The following DNASE1L3 variants were observed in gnomAD, a reference collection of about 807,000 sequenced individuals.
The protein encoded by DNASE1L3 is deoxyribonuclease gamma.
In DNASE1L3, 27 loss-of-function variants were observed where a neutral mutation model predicts 30.9. The observed-to-expected ratio is 0.87, with a 90% CI of 0.64 to 1.20. The LOEUF is 1.20. DNASE1L3 is among the 50% of genes most tolerant of loss of function. DNASE1L3 has a pLI of 0.00. For missense variants in DNASE1L3, 364 were observed against 378.2 expected (o/e 0.96, Z 0.31); for synonymous variants, 135 against 138.0 (o/e 0.98, Z 0.15).
chr3:58,196,877 G>A (rs2097397765), intron 6 of DNASE1L3, among the ~76,000 whole-genome samples: 1 of 152,248 alleles, frequency 6.6e-6, no homozygotes, highest in Non-Finnish European at 1.5e-5. Flanking sequence ...TTAGGAATAT[G>A]TAGCTAAAGC....
At chr3:58,204,939 A>T (rs2097403007) in intron 3 of DNASE1L3, 58 bp from the exon 4 acceptor site, 1 of 1,522,148 alleles carries the variant, frequency 6.6e-7, no homozygotes, top group Non-Finnish European at 9.1e-7. Flanking sequence ...TACTACTTTC[A>T]TGAAGCAGAG....
At chr3:58,202,595 T>C (rs2097401515) in intron 4 of DNASE1L3, among the ~76,000 whole-genome samples, 1 of 152,044 alleles carries the variant, frequency 6.6e-6, no homozygotes, top group Admixed American at 6.6e-5. Context: ...GGCTTACTTC[T>C]GTAATCCCAC....
rs1409244586 is a variant in DNASE1L3, at chr3:58,193,530, C to T, written c.705-91G>A. The T allele has an allele frequency of 1.7e-5, 20 of 1,167,358 alleles. 1 individual carries two copies. Among genetic ancestry groups the T allele is most frequent in the South Asian group, 1.1e-4 (8 of 71,906 alleles). The allele number at this position is 1,167,358 out of a possible 1,614,324, so 72.3% of individuals were successfully genotyped here. ...TCTGTGTTTGCTGTCTGGAATTAAC[C>T]GAGCAGTCTGGCCCTTTCATGTGGC... On this transcript the variant is annotated intron_variant, in intron 6 of 7. Transcript: ENST00000394549.
In DNASE1L3 at chr3:58,198,776, G is replaced by C. The variant is rs113000669; in HGVS notation, c.547-798C>G. 2.3e-3 allele frequency among the ~76,000 whole-genome samples: 351 copies of C among 152,276 alleles called. 1 individual carries two copies. Among genetic ancestry groups the C allele is most frequent in the African/African-American group, 8.3e-3 (346 of 41,556 alleles). ...CCTTTTGCTTTCAAGCAGGAAAAGTGAATTTGGGTGGTGTATTGACAACCC... is the reference window on the plus strand; with the variant it reads ...CCTTTTGCTTTCAAGCAGGAAAAGTCAATTTGGGTGGTGTATTGACAACCC... On this transcript the variant is annotated intron_variant, in intron 5 of 7. Coordinates refer to ENST00000394549, the MANE Select transcript of DNASE1L3 (RefSeq NM_004944.4).
At chr3:58,193,568 G>C in intron 6 of DNASE1L3, 129 bp from the exon 7 acceptor site, 2 of 749,560 alleles carry the variant, frequency 2.7e-6, no homozygotes, top group South Asian at 1.8e-5. Context: ...TCAAAGTCCA[G>C]AGCTGGTTTT....
chr3:58,199,343 C>T (rs1205417761), intron 5 of DNASE1L3, among the ~76,000 whole-genome samples: 1 of 152,194 alleles, frequency 6.6e-6, no homozygotes, highest in African/African-American at 2.4e-5. Flanking sequence ...TGCTCTAGGC[C>T]ACAGGACTGG....
At position 58,210,911 on chromosome 3, in the gene DNASE1L3, G is replaced by C. The variant is rs199960186; in HGVS notation, c.-5C>G. On this transcript the variant is annotated 5_prime_UTR_variant, in exon 1 of 8. Coordinates refer to ENST00000394549, the MANE Select transcript of DNASE1L3 (RefSeq NM_004944.4). ...TGGGGCCAGCTCCCGTGACATCCTG[G>C]CGCTGCTCTGGCTTCAAGACTCTGT... is the stretch of plus-strand genomic sequence containing the variant. 3.3e-5 allele frequency: 54 copies of C among 1,613,508 alleles called. No individual in the cohort carries two copies. The highest frequency in any genetic ancestry group is 4.6e-5 in the Non-Finnish European group (54 of 1,179,946).
chr3:58,195,613 C>CA (rs34773952), intron 6 of DNASE1L3, among the ~76,000 whole-genome samples: 2,422 of 38,398 alleles, frequency 0.063, 386 homozygotes, highest in African/African-American at 0.13. Flanking sequence ...ACTAAAATTA[C>CA]AAAAAAAAAA....
chr3:58,199,666 G>GAAA (rs558550386), intron 5 of DNASE1L3, among the ~76,000 whole-genome samples: 1 of 118,268 alleles, frequency 8.5e-6, no homozygotes, highest in Non-Finnish European at 1.8e-5. Flanking sequence ...TTCATCTCAA[G>GAAA]AAAAAAAAAA....
At position 58,192,822 on chromosome 3, in the gene DNASE1L3, G is replaced by A. The variant is rs780088738; in HGVS notation, c.802-19C>T. The A allele has an allele frequency of 6.2e-7, 1 of 1,605,834 alleles. No individual in the cohort carries two copies. Among genetic ancestry groups the A allele is most frequent in the Non-Finnish European group, 8.5e-7 (1 of 1,177,966 alleles). On this transcript the variant is annotated intron_variant, in intron 7 of 7. Transcript: ENST00000394549. The surrounding 1 kb of genome is among the most constrained non-coding windows in gnomAD (Gnocchi z 4.8). ...CCAGGGCCTATAAGGAGAAAGGGGA[G>A]GTAGACATGGAAATTAGGAGATGCC...
intron 1 of DNASE1L3, among the ~76,000 whole-genome samples, chr3:58,210,256 G>A (rs1371954219): frequency 1.3e-5 from 2 of 151,152 alleles, no homozygotes; most frequent in African/African-American, 4.9e-5. Flanking sequence ...AAGAAAGAAA[G>A]AAAGAGAGAA....
chr3:58,202,066 T>G (rs966971143), intron 4 of DNASE1L3, among the ~76,000 whole-genome samples: 44 of 152,296 alleles, frequency 2.9e-4, no homozygotes, highest in African/African-American at 1.0e-3. Context: ...TGATGTATTT[T>G]ATCCCTCTTC....
In DNASE1L3 at chr3:58,197,416, A is replaced by G. The variant is rs2097398054; in HGVS notation, c.704+405T>C. Among the ~76,000 whole-genome samples the G allele has an allele frequency of 6.6e-6, 1 of 152,036 alleles. No homozygotes were observed. Among genetic ancestry groups the G allele is most frequent in the African/African-American group, 2.4e-5 (1 of 41,390 alleles). On this transcript the variant is annotated intron_variant, in intron 6 of 7. Coordinates refer to ENST00000394549, the MANE Select transcript of DNASE1L3 (RefSeq NM_004944.4). This position sits in a 1 kb window ranked among gnomAD's most constrained non-coding sequence, Gnocchi z 5.3. ...AGTAGAGGGGCCTGACATTTAATTG[A>G]CTCAGCTCTGCAAGCAGTGTGCTTT...
chr3:58,202,457 C>T (rs1355260116), intron 4 of DNASE1L3, among the ~76,000 whole-genome samples: 2 of 151,178 alleles, frequency 1.3e-5, no homozygotes, highest in East Asian at 3.9e-4. Flanking sequence ...GCCACCACAC[C>T]CAGCTGGGAG....
Position 58,197,981 on chromosome 3 carries a change from A to G in DNASE1L3, c.547-3T>C. ...AAGTCACCCATGAAAATGAAATTCT[A>G]AAAGACAAGATTTGGAACTGTCACC... is the stretch of plus-strand genomic sequence containing the variant. On this transcript the variant is annotated splice_polypyrimidine_tract_variant and splice_region_variant and intron_variant, in intron 5 of 7. Transcript: ENST00000394549. This position sits in a 1 kb window ranked among gnomAD's most constrained non-coding sequence, Gnocchi z 5.3. 1.2e-6 allele frequency: 2 copies of G among 1,605,094 alleles called. No homozygotes were observed. The highest frequency in any genetic ancestry group is 1.7e-6 in the Non-Finnish European group (2 of 1,175,166).
chr3:58,192,871 A>G lies in DNASE1L3; in HGVS notation c.802-68T>C, dbSNP rs2097395053. On this transcript the variant is annotated intron_variant, in intron 7 of 7. Coordinates refer to ENST00000394549, the MANE Select transcript of DNASE1L3 (RefSeq NM_004944.4). This position sits in a 1 kb window ranked among gnomAD's most constrained non-coding sequence, Gnocchi z 4.8. Reference sequence around the variant, plus strand: ...CCTGGGAGATGCTTTCATTTTAGCGATGAGCAAATTTAGGACCAGGGAGGG... The same window carrying G: ...CCTGGGAGATGCTTTCATTTTAGCGGTGAGCAAATTTAGGACCAGGGAGGG... 6 of 1,586,024 alleles carry G rather than the reference A, an allele frequency of 3.8e-6. No individual in the cohort carries two copies. Among genetic ancestry groups the G allele is most frequent in the Non-Finnish European group, 5.1e-6 (6 of 1,169,290 alleles).
At chr3:58,194,632 TTTTC>T (rs1451707175) in intron 6 of DNASE1L3, among the ~76,000 whole-genome samples, 3 of 91,794 alleles carry the variant, frequency 3.3e-5, no homozygotes, top group African/African-American at 4.4e-5. Flanking sequence ...CGGCTTTTTT[TTTTC>T]TTTTTTTGAG....
At chr3:58,210,281 GAA>G (rs1156415243) in intron 1 of DNASE1L3, among the ~76,000 whole-genome samples, 5 of 152,004 alleles carry the variant, frequency 3.3e-5, no homozygotes, top group Non-Finnish European at 5.9e-5. Context: ...AGAAAAGAAA[GAA>G]AGAAGAAAAG....
chr3:58,203,125 T>C (rs1053731122), intron 4 of DNASE1L3, among the ~76,000 whole-genome samples: 3 of 152,122 alleles, frequency 2.0e-5, no homozygotes, highest in Admixed American at 6.5e-5. Context: ...TTCCCACTCT[T>C]ACCTCAACAG....
Sources: gnomAD v4.1 joint callset for allele counts (sites outside exome capture counted in the v4.1 genomes callset) on GRCh38, gnomAD v4.1.1 for gene constraint, Gnocchi (gnomAD v3.1) non-coding constraint, MANE v1.5 for transcripts, NCBI Gene and HGNC (gene_info 2026-07-23, HGNC 2026-07-21) for gene names.